FBRSL1: variants seen among roughly 807,000 people sequenced by gnomAD.
FBRSL1 encodes the protein fibrosin-1-like protein.
A neutral mutation model predicts 89.6 loss-of-function variants in FBRSL1; 51 were observed. That is an observed-to-expected ratio of 0.57 (90% CI 0.45 to 0.72). The LOEUF is 0.72. Ranked by LOEUF, FBRSL1 falls within the 30% of genes least tolerant of loss-of-function variation. The pLI is 0.00. For missense variants in FBRSL1, 1,618 were observed against 1,451.8 expected, an observed-to-expected ratio of 1.11 and a Z score of -1.86; for synonymous variants, 779 against 681.1, an observed-to-expected ratio of 1.14 and a Z score of -2.24.
intron 1 of FBRSL1, among the ~76,000 whole-genome samples, chr12:132,504,537 G>A (rs999553497): frequency 2.6e-5 from 4 of 152,100 alleles, no homozygotes; most frequent in East Asian, 3.9e-4. Context: ...CCTCCACCGC[G>A]CCTTCTTGGA....
Position 132,550,914 on chromosome 12 carries a change from C to G in FBRSL1, c.645+2882C>G, listed in dbSNP as rs139208545. ...GGCGCTGGGTTCAGGGGGTCAGGAA[C>G]TTACGCTGGGCGGAGGGTGTGCGTG... On this transcript the variant is annotated intron_variant, in intron 5 of 18. Transcript: ENST00000680143. 385 of 171,656 alleles carry G rather than the reference C, an allele frequency of 2.2e-3. 3 individuals carry two copies. The highest frequency in any genetic ancestry group is 8.3e-3 in the African/African-American group (351 of 42,490). 10.6% of individuals were successfully genotyped at this position (171,656 alleles called of 1,614,324 possible). A position where few individuals can be genotyped will look rare whatever the true frequency, so the allele number is the denominator to read the frequency against.
intron 4 of FBRSL1, among the ~76,000 whole-genome samples, chr12:132,528,353 GC>G (rs970902364): frequency 1.2e-4 from 18 of 152,194 alleles, no homozygotes; most frequent in Non-Finnish European, 4.4e-5. Context: ...CCAAGGCCGG[GC>G]TGCTTCTTGG....
chr12:132,525,942 G>GCGTC (rs1325472403), intron 3 of FBRSL1, 119 bp downstream of exon 3: 2 of 815,352 alleles, frequency 2.5e-6, no homozygotes, highest in East Asian at 5.4e-5. Context: ...CTGCACAAGG[G>GCGTC]CGTCCAGTCC....
Position 132,581,843 on chromosome 12 carries a change from G to A in FBRSL1, c.1996+19G>A, listed in dbSNP as rs1041013466. On this transcript the variant is annotated intron_variant, in intron 17 of 18. Coordinates refer to ENST00000680143, the MANE Select transcript of FBRSL1 (RefSeq NM_001367871.1). ...GCACTGGGTGAGTGACCCAGCCTGT[G>A]CCCCCCTCCCCCGATGCCCGCGCCC... 2.0e-6 allele frequency: 3 copies of A among 1,525,100 alleles called. No homozygotes were observed. Among genetic ancestry groups the A allele is most frequent in the Non-Finnish European group, 2.6e-6 (3 of 1,133,086 alleles). The allele number at this position is 1,525,100 out of a possible 1,614,324, so 94.5% of individuals were successfully genotyped here. A position where few individuals can be genotyped will look rare whatever the true frequency, so the allele number is the denominator to read the frequency against.
At chr12:132,498,215 C>T (rs1280970331) in intron 1 of FBRSL1, among the ~76,000 whole-genome samples, 1 of 152,124 alleles carries the variant, frequency 6.6e-6, no homozygotes, top group Non-Finnish European at 1.5e-5. Context: ...GGGTCTCTCT[C>T]CGGGCCCCTC....
intron 11 of FBRSL1, among the ~76,000 whole-genome samples, chr12:132,573,754 C>T (rs2040200991): frequency 6.6e-6 from 1 of 152,166 alleles, no homozygotes; most frequent in Admixed American, 6.5e-5. Flanking sequence ...TCCCCTTGGC[C>T]CATCCAGGCT....
At chr12:132,497,096 C>T (rs1337065524) in intron 1 of FBRSL1, among the ~76,000 whole-genome samples, 1 of 152,250 alleles carries the variant, frequency 6.6e-6, no homozygotes, top group African/African-American at 2.4e-5. Flanking sequence ...GTCTTGCTTC[C>T]GCTGGTTTTG....
At chr12:132,511,314 C>T in intron 2 of FBRSL1, 1 of 985,790 alleles carries the variant, frequency 1.0e-6, no homozygotes, top group Non-Finnish European at 1.2e-6. Flanking sequence ...TCCCCACAGT[C>T]CCCTGCAGCG....
At chr12:132,551,913 G>A (rs938548641) in intron 5 of FBRSL1, 22 of 294,758 alleles carry the variant, frequency 7.5e-5, no homozygotes, top group African/African-American at 1.9e-4. Context: ...TCCTGCTGCC[G>A]GGGGCTGCCA....
chr12:132,537,208 G>A (rs2036838695), intron 4 of FBRSL1, among the ~76,000 whole-genome samples: 1 of 152,208 alleles, frequency 6.6e-6, no homozygotes, highest in Non-Finnish European at 1.5e-5. Flanking sequence ...GAAGCCCACG[G>A]AGTGTGTGGC....
chr12:132,548,404 G>A (rs1321107926), intron 5 of FBRSL1, among the ~76,000 whole-genome samples: 1 of 152,182 alleles, frequency 6.6e-6, no homozygotes, highest in Non-Finnish European at 1.5e-5. Context: ...CATCAGTCCT[G>A]AGGGAGCAGG....
intron 2 of FBRSL1, chr12:132,510,213 C>G: frequency 2.4e-6 from 3 of 1,231,784 alleles, no homozygotes; most frequent in Non-Finnish European, 2.0e-6. Context: ...CCAGCCGTTG[C>G]TCCCCATTCC....
chr12:132,570,772 T>TGTTCA (rs1417762822), intron 8 of FBRSL1, among the ~76,000 whole-genome samples: 4 of 152,162 alleles, frequency 2.6e-5, no homozygotes, highest in African/African-American at 9.7e-5. Context: ...TACAGACGCG[T>TGTTCA]GTTCACACTG....
At chr12:132,539,134 G>C (rs1390594619) in intron 4 of FBRSL1, among the ~76,000 whole-genome samples, 1 of 152,076 alleles carries the variant, frequency 6.6e-6, no homozygotes, top group Non-Finnish European at 1.5e-5. Flanking sequence ...CCCACACACT[G>C]CCCGGCCCCC....
At position 132,523,991 on chromosome 12, in the gene FBRSL1, C is replaced by T. The variant is rs145078550; in HGVS notation, c.490-1743C>T. ...TGAGAAAGGAGAGGTTGTGAGAGTC[C>T]AGCTGGTGACAACAGTGACCCCTGG... is the stretch of plus-strand genomic sequence containing the variant. On this transcript the variant is annotated intron_variant, in intron 2 of 18. Transcript: ENST00000680143. Among the ~76,000 whole-genome samples, 383 of 152,324 alleles carry T rather than the reference C, an allele frequency of 2.5e-3. 6 individuals carry two copies. Among genetic ancestry groups the T allele is most frequent in the African/African-American group, 8.6e-3 (357 of 41,562 alleles).
chr12:132,508,039 G>A (rs2033895967), intron 1 of FBRSL1, 114 bp from the exon 2 acceptor site: 3 of 1,074,316 alleles, frequency 2.8e-6, no homozygotes, highest in South Asian at 3.3e-5. Context: ...TCCCTCTGAG[G>A]TGCCCCTCCC....
chr12:132,521,391 C>T (rs557776645), intron 2 of FBRSL1, among the ~76,000 whole-genome samples: 5 of 152,308 alleles, frequency 3.3e-5, no homozygotes, highest in Admixed American at 3.3e-4. Flanking sequence ...GTGGCCCAGC[C>T]CAACTAGGGG....
At chr12:132,551,721 CG>C in intron 5 of FBRSL1, 1 of 387,944 alleles carries the variant, frequency 2.6e-6, no homozygotes, top group Admixed American at 2.6e-5. Flanking sequence ...CCCGCCCAGC[CG>C]CCCCCTCCCC....
intron 2 of FBRSL1, chr12:132,510,554 C>T (rs572098917): frequency 6.6e-5 from 81 of 1,231,132 alleles, no homozygotes; most frequent in Non-Finnish European, 8.0e-5. Flanking sequence ...GCTGGAGATG[C>T]TTTGCCGGAC....
Sources: gnomAD v4.1 joint callset for allele counts (sites outside exome capture counted in the v4.1 genomes callset) on GRCh38, gnomAD v4.1.1 for gene constraint, MANE v1.5 for transcripts, NCBI Gene and HGNC (gene_info 2026-07-23, HGNC 2026-07-21) for gene names.